GAN: variants seen among roughly 807,000 people sequenced by gnomAD.
GAN encodes epididymis secretory sperm binding protein.
Under a neutral mutation model 71.3 loss-of-function variants are expected in GAN, and 48 were observed. The ratio of observed to expected loss-of-function variants is 0.67; its 90% CI spans 0.53 to 0.86. The LOEUF (loss-of-function observed/expected upper bound fraction) is 0.86. Ranked by LOEUF, GAN falls within the 40% of genes least tolerant of loss-of-function variation. The pLI is 0.00. For missense variants in GAN, 928 were observed against 770.1 expected, an observed-to-expected ratio of 1.21 and a Z score of -2.43; for synonymous variants, 386 against 276.8, an observed-to-expected ratio of 1.39 and a Z score of -3.92.
At position 81,387,985 on chromosome 16, in the gene GAN, C is replaced by A. The variant is rs2859567; in HGVS notation, c.*10389C>A. 0.93 allele frequency: 141,340 copies of A among 152,318 alleles called. 65,703 individuals carry two copies. Among genetic ancestry groups the A allele is most frequent in the East Asian group, 0.99 (5,122 of 5,180 alleles). The allele number at this position is 152,318 out of a possible 1,614,324, so 9.4% of individuals were successfully genotyped here. On this transcript the variant is annotated 3_prime_UTR_variant, in exon 11 of 11. Coordinates refer to ENST00000648994, the MANE Select transcript of GAN (RefSeq NM_022041.4). The stretch of plus-strand genomic sequence containing the variant: ...TGAATAACCTTTCGTTTGAACCAGC[C>A]TTGATTGTTCTCTCCATGTTCCACT...
intron 9 of GAN, among the ~76,000 whole-genome samples, chr16:81,369,852 G>C (rs1156279168): frequency 1.3e-5 from 2 of 152,010 alleles, no homozygotes; most frequent in Admixed American, 6.5e-5. Context: ...TTACAGGCAT[G>C]AGCCACCGCG....
At chr16:81,326,842 G>A (rs13337370) in intron 1 of GAN, among the ~76,000 whole-genome samples, 4,291 of 152,244 alleles carry the variant, frequency 0.028, 207 homozygotes, top group African/African-American at 0.099. Flanking sequence ...ATAATCTTAC[G>A]GGACCACTGT....
At position 81,357,935 on chromosome 16, in the gene GAN, C is replaced by T. The variant is rs189406050; in HGVS notation, c.973+4C>T. Reference sequence around the variant, plus strand: ...AACCATGGAGTTCTCTCAGCAGGTACCGTTCTGTGGCAAATTTTCCTTAAA... The same window carrying T: ...AACCATGGAGTTCTCTCAGCAGGTATCGTTCTGTGGCAAATTTTCCTTAAA... On this transcript the variant is annotated splice_donor_region_variant and intron_variant, in intron 5 of 10. Transcript: ENST00000648994. 9.3e-6 allele frequency: 15 copies of T among 1,613,336 alleles called. 1 individual carries two copies. The African/African-American group carries it at 1.1e-4, about 11-fold the overall frequency.
chr16:81,342,388 G>A (rs1410784981), intron 1 of GAN, among the ~76,000 whole-genome samples: 3 of 152,106 alleles, frequency 2.0e-5, no homozygotes, highest in South Asian at 2.1e-4. Flanking sequence ...TGGAAGTAAA[G>A]CACTCCTAGG....
intron 1 of GAN, among the ~76,000 whole-genome samples, chr16:81,350,984 A>T (rs527276454): frequency 6.6e-6 from 1 of 152,264 alleles, no homozygotes; most frequent in Admixed American, 6.5e-5. Flanking sequence ...GCACACCTCT[A>T]TAAAATTTTA....
At position 81,380,777 on chromosome 16, in the gene GAN, C is replaced by T. The variant is rs1019231612; in HGVS notation, c.*3181C>T. On this transcript the variant is annotated 3_prime_UTR_variant, in exon 11 of 11. Coordinates refer to ENST00000648994, the MANE Select transcript of GAN (RefSeq NM_022041.4). ...TATAGTAAGTTTTACTTGGTGTTCGCGTTTCTCTTCTTCAGCAGGATTAAA... is the reference window on the plus strand; with the variant it reads ...TATAGTAAGTTTTACTTGGTGTTCGTGTTTCTCTTCTTCAGCAGGATTAAA... The T allele has an allele frequency of 1.3e-5, 2 of 152,018 alleles. No individual in the cohort carries two copies. Among genetic ancestry groups the T allele is most frequent in the Non-Finnish European group, 1.5e-5 (1 of 68,008 alleles). 9.4% of individuals were successfully genotyped at this position (152,018 alleles called of 1,614,324 possible).
intron 2 of GAN, among the ~76,000 whole-genome samples, chr16:81,353,805 C>G (rs1249263652): frequency 6.6e-6 from 1 of 151,860 alleles, no homozygotes; most frequent in Non-Finnish European, 1.5e-5. Flanking sequence ...AAAAAAACAC[C>G]CTTGTATTAG....
chr16:81,333,241 CAA>C (rs34186926), intron 1 of GAN, among the ~76,000 whole-genome samples: 159 of 107,092 alleles, frequency 1.5e-3, no homozygotes, highest in South Asian at 4.7e-3. Context: ...GACTCCATCT[CAA>C]AAAAAAAAAA....
At chr16:81,350,884 A>G (rs1051312286) in intron 1 of GAN, among the ~76,000 whole-genome samples, 61 of 152,356 alleles carry the variant, frequency 4.0e-4, no homozygotes, top group African/African-American at 1.4e-3. Flanking sequence ...ACAGTTTGCA[A>G]TATCGAAAAC....
chr16:81,347,683 A>G (rs1269325420), intron 1 of GAN, among the ~76,000 whole-genome samples: 1 of 152,186 alleles, frequency 6.6e-6, no homozygotes, highest in Non-Finnish European at 1.5e-5. Context: ...CTAGGTCTGA[A>G]ATAATTTTCT....
Position 81,385,404 on chromosome 16 carries a change from C to A in GAN, c.*7808C>A, listed in dbSNP as rs1477027701. 6.6e-6 allele frequency: 1 copy of A among 152,220 alleles called. No homozygotes were observed. The highest frequency in any genetic ancestry group is 6.5e-5 in the Admixed American group (1 of 15,286). 9.4% of individuals were successfully genotyped at this position (152,220 alleles called of 1,614,324 possible). On this transcript the variant is annotated 3_prime_UTR_variant, in exon 11 of 11. Transcript: ENST00000648994. ...TGGTTGAGAGCATAGGCCTTGGTGG[C>A]AGGTGCATCTGGGCTTGGGGGCTTC...
chr16:81,383,691 TGAAA>T lies in GAN; in HGVS notation c.*6100_*6103del, dbSNP rs1904325683. Reference sequence around the variant, plus strand: ...GTTGAGCTTCCTTCTGTGCACACATTGAAAGAAAACCAGAAATTGTACAGTCGTG... The same window carrying T: ...GTTGAGCTTCCTTCTGTGCACACATTGAAAACCAGAAATTGTACAGTCGTG... On this transcript the variant is annotated 3_prime_UTR_variant, in exon 11 of 11. Transcript: ENST00000648994. 1 of 152,008 alleles carries T rather than the reference TGAAA, an allele frequency of 6.6e-6. No homozygotes were observed. Among genetic ancestry groups the T allele is most frequent in the Admixed American group, 6.6e-5 (1 of 15,266 alleles). The allele number at this position is 152,008 out of a possible 1,614,324, so 9.4% of individuals were successfully genotyped here. A position where few individuals can be genotyped will look rare whatever the true frequency, so the allele number is the denominator to read the frequency against.
At chr16:81,342,604 C>G (rs12925218) in intron 1 of GAN, among the ~76,000 whole-genome samples, 61,957 of 152,056 alleles carry the variant, frequency 0.41, 13,406 homozygotes, top group Middle Eastern at 0.54. Flanking sequence ...ACACAACGTA[C>G]CAGAATCTTT....
intron 2 of GAN, among the ~76,000 whole-genome samples, chr16:81,354,176 A>T (rs185763368): frequency 6.6e-6 from 1 of 152,160 alleles, no homozygotes; most frequent in African/African-American, 2.4e-5. Context: ...TTGGTACAGC[A>T]AGGGCAGAGC....
chr16:81,364,049 A>G, intron 7 of GAN, 106 bp downstream of exon 7: 1 of 921,646 alleles, frequency 1.1e-6, no homozygotes, highest in Admixed American at 1.7e-5. Flanking sequence ...TGGTGTTAAA[A>G]GAATTAACTT....
chr16:81,376,509 G>GTGTGTT (rs1904280712), intron 9 of GAN, among the ~76,000 whole-genome samples: 1 of 128,560 alleles, frequency 7.8e-6, no homozygotes, highest in African/African-American at 3.2e-5. Flanking sequence ...GTGTGTGTGT[G>GTGTGTT]TATGTGTGTG....
chr16:81,326,193 C>G (rs1365911725), intron 1 of GAN, among the ~76,000 whole-genome samples: 1 of 152,076 alleles, frequency 6.6e-6, no homozygotes, highest in African/African-American at 2.4e-5. Flanking sequence ...GCCAGGGGCA[C>G]TCAGTCCGTA....
rs1046063828 is a variant in GAN at position 81,384,670 on chromosome 16, T to C, written c.*7074T>C. 1.3e-5 allele frequency: 2 copies of C among 152,246 alleles called. No homozygotes were observed. Among genetic ancestry groups the C allele is most frequent in the Non-Finnish European group, 2.9e-5 (2 of 68,058 alleles). 9.4% of individuals were successfully genotyped at this position (152,246 alleles called of 1,614,324 possible). A position where few individuals can be genotyped will look rare whatever the true frequency, so the allele number is the denominator to read the frequency against. ...CTAAGATCCTCCTCACTTAAAGTGT[T>C]TCCTCAGTGCAGAGTTGAGGTTGGC... On this transcript the variant is annotated 3_prime_UTR_variant, in exon 11 of 11. Coordinates refer to ENST00000648994, the MANE Select transcript of GAN (RefSeq NM_022041.4).
At chr16:81,320,220 G>A (rs1481054770) in intron 1 of GAN, among the ~76,000 whole-genome samples, 1 of 152,182 alleles carries the variant, frequency 6.6e-6, no homozygotes, top group Admixed American at 6.5e-5. Flanking sequence ...CTCTGTAGGA[G>A]GTCCAAGTTT....
Sources: allele counts gnomAD v4.1 joint callset (sites outside exome capture counted in the v4.1 genomes callset), GRCh38; gene constraint gnomAD v4.1.1; transcripts MANE v1.5; gene names NCBI Gene and HGNC (gene_info 2026-07-23, HGNC 2026-07-21).